WASF3: variants seen among roughly 807,000 people sequenced by gnomAD.
WASF3 encodes the protein actin-binding protein WASF3.
In WASF3, 11 loss-of-function variants were observed where a neutral mutation model predicts 46.6. That is an observed-to-expected ratio of 0.24 (90% CI 0.15 to 0.39). The LOEUF (loss-of-function observed/expected upper bound fraction) is 0.39. Among genes scored for constraint, WASF3 ranks in the 10% least tolerant of loss-of-function variants. The probability of loss-of-function intolerance (pLI) is 1.00; values close to 1 mark genes in which losing one functional copy is unlikely to be tolerated. For missense variants in WASF3, 576 were observed against 669.8 expected, an observed-to-expected ratio of 0.86 and a Z score of 1.55; for synonymous variants, 242 against 259.7, an observed-to-expected ratio of 0.93 and a Z score of 0.65.
intron 2 of WASF3, among the ~76,000 whole-genome samples, chr13:26,641,712 C>G (rs1882001558): frequency 6.6e-6 from 1 of 152,048 alleles, no homozygotes; most frequent in African/African-American, 2.4e-5. Flanking sequence ...ATGAGATGAT[C>G]TAGTAAGTTT....
intron 3 of WASF3, among the ~76,000 whole-genome samples, chr13:26,647,530 A>G (rs889054459): frequency 3.3e-5 from 5 of 152,186 alleles, no homozygotes; most frequent in African/African-American, 7.2e-5. Flanking sequence ...AAATCACAGT[A>G]TCTTGTAATC....
chr13:26,675,432 A>G (rs1956993775), intron 6 of WASF3, among the ~76,000 whole-genome samples: 1 of 151,010 alleles, frequency 6.6e-6, no homozygotes, highest in Non-Finnish European at 1.5e-5. Context: ...CACTTTCAAT[A>G]CTCTCAGTCA....
intron 3 of WASF3, among the ~76,000 whole-genome samples, chr13:26,658,318 A>G (rs531972700): frequency 1.2e-4 from 19 of 152,234 alleles, no homozygotes; most frequent in Non-Finnish European, 2.6e-4. Context: ...ACTATGTCAG[A>G]CATTCAGAAA....
chr13:26,675,500 A>G (rs1395161015), intron 6 of WASF3, among the ~76,000 whole-genome samples: 5 of 151,438 alleles, frequency 3.3e-5, no homozygotes, highest in African/African-American at 1.2e-4. Flanking sequence ...ACACACACAC[A>G]CACACACACA....
intron 1 of WASF3, among the ~76,000 whole-genome samples, chr13:26,579,518 G>GA (rs1039439162): frequency 2.6e-5 from 4 of 152,124 alleles, no homozygotes; most frequent in Non-Finnish European, 5.9e-5. Flanking sequence ...TTCTTTTACT[G>GA]AAAAGACATT....
chr13:26,574,225 A>G (rs148055201), intron 1 of WASF3, among the ~76,000 whole-genome samples: 8 of 152,284 alleles, frequency 5.3e-5, no homozygotes, highest in Admixed American at 3.3e-4. Context: ...CTCTCTCTCT[A>G]TATATACAGA....
chr13:26,685,661 A>G (rs771453280), intron 9 of WASF3, 27 bp from the exon 10 acceptor site: 21 of 1,608,816 alleles, frequency 1.3e-5, no homozygotes, highest in Non-Finnish European at 1.4e-5. Flanking sequence ...AAAGGATGTG[A>G]TTCTGAACCA....
the WASF3 span, among the ~76,000 whole-genome samples, chr13:26,539,746 T>C: frequency 5.9e-5 from 9 of 152,224 alleles, no homozygotes; most frequent in Non-Finnish European, 1.3e-4. Flanking sequence ...ACCAGGTTCC[T>C]TGGTCTTGGT....
At chr13:26,600,424 C>T (rs1880609411) in intron 1 of WASF3, among the ~76,000 whole-genome samples, 1 of 152,144 alleles carries the variant, frequency 6.6e-6, no homozygotes, top group African/African-American at 2.4e-5. Context: ...GCTATGAGGA[C>T]CAAGTGAGAG....
At chr13:26,615,924 CTTG>C (rs950636689) in intron 2 of WASF3, among the ~76,000 whole-genome samples, 7 of 152,172 alleles carry the variant, frequency 4.6e-5, no homozygotes, top group South Asian at 2.1e-4. Flanking sequence ...AGATTCATCT[CTTG>C]TTGTTGCATG....
chr13:26,589,115 G>A lies in WASF3; in HGVS notation c.-108-23846G>A, dbSNP rs751063418. 3.9e-4 allele frequency among the ~76,000 whole-genome samples: 60 copies of A among 152,180 alleles called. 2 individuals are homozygous for A. The highest frequency in any genetic ancestry group is 1.7e-3 in the South Asian group (8 of 4,824). On this transcript the variant is annotated intron_variant, in intron 1 of 9. Transcript: ENST00000335327. ...GGCCCTGTATTTCTTTATATTGCTT[G>A]AGGTTGAGCATTCTTCCATGTCTGC...
At chr13:26,554,847 G>C (rs181753697), upstream of WASF3, among the ~76,000 whole-genome samples, 2 of 152,216 alleles carry the variant, frequency 1.3e-5, no homozygotes, top group African/African-American at 4.8e-5. Context: ...ATAAACATTC[G>C]GGTACAAGTT....
chr13:26,652,340 G>A (rs889433716), intron 3 of WASF3, among the ~76,000 whole-genome samples: 1 of 152,194 alleles, frequency 6.6e-6, no homozygotes, highest in Non-Finnish European at 1.5e-5. Flanking sequence ...AAATGTATAT[G>A]TACCTAACAA....
intron 3 of WASF3, among the ~76,000 whole-genome samples, chr13:26,658,824 G>C (rs1882542116): frequency 6.6e-6 from 1 of 152,114 alleles, no homozygotes; most frequent in Admixed American, 6.5e-5. Flanking sequence ...GCACAGAGGG[G>C]GTCAAATGCT....
At chr13:26,597,414 C>T (rs554187452) in intron 1 of WASF3, among the ~76,000 whole-genome samples, 2 of 152,122 alleles carry the variant, frequency 1.3e-5, no homozygotes, top group Admixed American at 6.5e-5. Context: ...GGATTACAGG[C>T]GTGAGCCACC....
At position 26,680,116 on chromosome 13, in the gene WASF3, A is replaced by T. The variant is rs1284498983; in HGVS notation, c.717-938A>T. On this transcript the variant is annotated intron_variant, in intron 7 of 9. Transcript: ENST00000335327. Reference sequence around the variant, plus strand: ...CAGAACAAGAAAAGAAGAGTGGGAGAGAAGGAAAATGGGCATTGAGTTTAT... The same window carrying T: ...CAGAACAAGAAAAGAAGAGTGGGAGTGAAGGAAAATGGGCATTGAGTTTAT... 2.5e-6 allele frequency: 4 copies of T among 1,598,348 alleles called. No individual in the cohort carries two copies. In the South Asian group the frequency reaches 4.4e-5, roughly 18 times the overall value.
rs569353071 is a variant in WASF3, at chr13:26,602,707, A to G, written c.-108-10254A>G. Among the ~76,000 whole-genome samples the G allele has an allele frequency of 2.3e-4, 35 of 152,326 alleles. No individual in the cohort carries two copies. In the South Asian group the frequency reaches 6.8e-3, roughly 30 times the overall value. On this transcript the variant is annotated intron_variant, in intron 1 of 9. Transcript: ENST00000335327. ...GAATTGCACATGAAATCTTTATGTC[A>G]GGTTTAGTATTATAGAGGTAATTTT...
intron 1 of WASF3, among the ~76,000 whole-genome samples, chr13:26,582,414 A>C (rs1880007383): frequency 6.6e-6 from 1 of 152,044 alleles, no homozygotes. Context: ...GGTGGCTCAC[A>C]CCTGTAATCC....
chr13:26,577,006 A>G (rs1879817886), intron 1 of WASF3: 4 of 714,278 alleles, frequency 5.6e-6, no homozygotes, highest in Non-Finnish European at 1.0e-5. Context: ...TGTGTTCAAT[A>G]TAAGGAATAT....
Sources: gnomAD v4.1 joint callset for allele counts (sites outside exome capture counted in the v4.1 genomes callset) on GRCh38, gnomAD v4.1.1 for gene constraint, MANE v1.5 for transcripts, NCBI Gene and HGNC (gene_info 2026-07-23, HGNC 2026-07-21) for gene names.